The following CCNJL variants were observed in gnomAD, a reference collection of about 807,000 sequenced individuals.
The protein encoded by CCNJL is cyclin-J-like protein.
Under a neutral mutation model 33.4 loss-of-function variants are expected in CCNJL, and 33 were observed. That is an observed-to-expected ratio of 0.99 (90% CI 0.75 to 1.32). The LOEUF (loss-of-function observed/expected upper bound fraction) is 1.32, where lower values mean the gene tolerates loss of function less well. Among genes scored for constraint, CCNJL ranks in the 40% most tolerant of loss-of-function variants. CCNJL has a pLI of 0.00. For missense variants in CCNJL, 512 were observed against 499.7 expected, an observed-to-expected ratio of 1.02 and a Z score of -0.23; for synonymous variants, 227 against 220.9, an observed-to-expected ratio of 1.03 and a Z score of -0.24.
intron 2 of CCNJL, among the ~76,000 whole-genome samples, chr5:160,294,441 G>A (rs1762686073): frequency 6.6e-6 from 1 of 152,148 alleles, no homozygotes; most frequent in Non-Finnish European, 1.5e-5. Context: ...TACTACTCCT[G>A]GGCAGATGGC....
At chr5:160,255,528 G>C (rs1396514600) in intron 5 of CCNJL, 21 bp downstream of exon 5, 1 of 1,611,700 alleles carries the variant, frequency 6.2e-7, no homozygotes, top group African/African-American at 1.3e-5. Flanking sequence ...CAGAAACACA[G>C]GATTCAGGGG....
At position 160,280,415 on chromosome 5, in the gene CCNJL, A is replaced by C. The variant is rs184041011; in HGVS notation, c.280+110T>G. On this transcript the variant is annotated intron_variant, in intron 3 of 5. Coordinates refer to ENST00000257536, the MANE Select transcript of CCNJL (RefSeq NM_001308173.3). ...AAAAAACGCTCAGTGAAGGATGAAC[A>C]TATAAGACGTGCAAAGATCGTCAAA... The C allele has an allele frequency of 8.1e-6, 7 of 863,482 alleles. No homozygotes were observed. In the South Asian group the frequency reaches 9.3e-5, roughly 11 times the overall value. The allele number at this position is 863,482 out of a possible 1,614,324, so 53.5% of individuals were successfully genotyped here. A position where few individuals can be genotyped will look rare whatever the true frequency, so the allele number is the denominator to read the frequency against.
intron 3 of CCNJL, among the ~76,000 whole-genome samples, chr5:160,275,498 GTTTT>G (rs1419778685): frequency 6.6e-6 from 1 of 151,656 alleles, no homozygotes; most frequent in Non-Finnish European, 1.5e-5. Context: ...GTGTTTGTTT[GTTTT>G]GAGATAGGGT....
At chr5:160,269,497 G>C in intron 3 of CCNJL, 1 of 456,568 alleles carries the variant, frequency 2.2e-6, no homozygotes, top group Admixed American at 2.3e-5. Context: ...TGACGGCACT[G>C]CTGCGCTGAA....
chr5:160,316,996 A>G (rs534957557), upstream of CCNJL, among the ~76,000 whole-genome samples: 6 of 152,346 alleles, frequency 3.9e-5, no homozygotes, highest in South Asian at 2.1e-4. Flanking sequence ...TACTTTGAAT[A>G]GTGTTTCCTC....
chr5:160,315,363 C>A, upstream of CCNJL: 1 of 354,378 alleles, frequency 2.8e-6, no homozygotes, highest in Non-Finnish European at 5.6e-6. Flanking sequence ...ACACACTAGC[C>A]AGGTGTGGTG....
intron 1 of CCNJL, among the ~76,000 whole-genome samples, chr5:160,338,917 A>T (rs1369179753): frequency 6.6e-6 from 1 of 152,008 alleles, no homozygotes; most frequent in Non-Finnish European, 1.5e-5. Flanking sequence ...CAGCCTCCTG[A>T]GCAGCTGGGA....
At chr5:160,334,808 C>T (rs1763662683) in intron 1 of CCNJL, among the ~76,000 whole-genome samples, 2 of 152,220 alleles carry the variant, frequency 1.3e-5, no homozygotes, top group South Asian at 4.1e-4. Context: ...GATGGCTGGA[C>T]CCCATTCTCT....
At chr5:160,263,941 CTCT>C (rs1398003798) in intron 3 of CCNJL, among the ~76,000 whole-genome samples, 10 of 148,934 alleles carry the variant, frequency 6.7e-5, no homozygotes, top group South Asian at 2.2e-4. Flanking sequence ...CCCTATCAAC[CTCT>C]TTTTTTTTTT....
At chr5:160,268,434 T>A (rs2113290531) in intron 3 of CCNJL, among the ~76,000 whole-genome samples, 1 of 152,286 alleles carries the variant, frequency 6.6e-6, no homozygotes, top group East Asian at 1.9e-4. Context: ...GTGGTGAGGG[T>A]GACATGATGG....
At chr5:160,337,183 T>A (rs1763694476) in intron 1 of CCNJL, among the ~76,000 whole-genome samples, 1 of 150,938 alleles carries the variant, frequency 6.6e-6, no homozygotes, top group East Asian at 1.9e-4. Flanking sequence ...TTTGATTTTT[T>A]TTTTTTTTAG....
upstream of CCNJL, among the ~76,000 whole-genome samples, chr5:160,314,134 A>C (rs1417850786): frequency 2.6e-5 from 4 of 152,230 alleles, no homozygotes; most frequent in Non-Finnish European, 5.9e-5. Flanking sequence ...GTGCCACTGC[A>C]CTCCAGCTTG....
At position 160,309,355 on chromosome 5, in the gene CCNJL, C is replaced by T. The variant is rs138922108; in HGVS notation, c.66+2503G>A. ...ATATTTGACAAACTGGGGCTCCCAA[C>T]GTCTCAGTGATCTCAACTTCGCCTC... On this transcript the variant is annotated intron_variant, in intron 2 of 5. Coordinates refer to ENST00000257536, the MANE Select transcript of CCNJL (RefSeq NM_001308173.3). Among the ~76,000 whole-genome samples, 454 of 152,272 alleles carry T rather than the reference C, an allele frequency of 3.0e-3. 7 individuals carry two copies. Among genetic ancestry groups the T allele is most frequent in the African/African-American group, 0.01 (431 of 41,540 alleles).
In CCNJL at chr5:160,280,892, G is replaced by T. The variant is rs561110535; in HGVS notation, c.67-154C>A. ...CTGCAAGTCCCAGGATGGCAGCCCC[G>T]CCTGGGCTATCTCCCATCTGCTTTC... On this transcript the variant is annotated intron_variant, in intron 2 of 5. Coordinates refer to ENST00000257536, the MANE Select transcript of CCNJL (RefSeq NM_001308173.3). The T allele has an allele frequency of 5.7e-6, 4 of 706,684 alleles. No individual in the cohort carries two copies. In the East Asian group the frequency reaches 1.1e-4, roughly 19 times the overall value. The allele number at this position is 706,684 out of a possible 1,614,324, so 43.8% of individuals were successfully genotyped here. A position where few individuals can be genotyped will look rare whatever the true frequency, so the allele number is the denominator to read the frequency against.
At chr5:160,271,126 C>G (rs1303141856) in intron 3 of CCNJL, among the ~76,000 whole-genome samples, 8 of 152,184 alleles carry the variant, frequency 5.3e-5, no homozygotes. Context: ...AAAATAATCT[C>G]TAATCTTAGC....
chr5:160,334,271 A>T (rs1763655669), intron 1 of CCNJL, among the ~76,000 whole-genome samples: 1 of 152,188 alleles, frequency 6.6e-6, no homozygotes, highest in African/African-American at 2.4e-5. Flanking sequence ...CTTTGGTTGT[A>T]CACAATCTCC....
chr5:160,320,850 C>CTTTCTTTCTTTCTTTCCTTCTTTCTTTCT (rs1491096774), intron 1 of CCNJL, among the ~76,000 whole-genome samples: 3 of 55,532 alleles, frequency 5.4e-5, no homozygotes, highest in African/African-American at 1.8e-4. Context: ...TCTTTCTTTC[C>CTTTCTTTCTTTCTTTCCTTCTTTCTTTCT]TTCTTTCTTT....
chr5:160,303,501 C>T (rs1220474434), intron 2 of CCNJL, among the ~76,000 whole-genome samples: 5 of 149,520 alleles, frequency 3.3e-5, no homozygotes, highest in South Asian at 4.2e-4. Context: ...CCACTGCACT[C>T]GGCCGGTATT....
At chr5:160,271,761 C>G (rs1000966958) in intron 3 of CCNJL, among the ~76,000 whole-genome samples, 1 of 152,244 alleles carries the variant, frequency 6.6e-6, no homozygotes, top group African/African-American at 2.4e-5. Flanking sequence ...AAGCAATAGT[C>G]ACTTTAATTG....
Sources: gnomAD v4.1 joint callset for allele counts (sites outside exome capture counted in the v4.1 genomes callset) on GRCh38, gnomAD v4.1.1 for gene constraint, MANE v1.5 for transcripts, NCBI Gene and HGNC (gene_info 2026-07-23, HGNC 2026-07-21) for gene names.